The following BCORL1 variants were observed in gnomAD, a reference collection of about 807,000 sequenced individuals.
BCORL1 encodes BCL-6 corepressor-like protein 1.
BCORL1 carries 7 observed loss-of-function variants against 87.6 expected under a neutral mutation model. The observed-to-expected ratio is 0.08, with a 90% CI of 0.05 to 0.15. The LOEUF (loss-of-function observed/expected upper bound fraction) is 0.15. Ranked by LOEUF, BCORL1 falls within the 10% of genes least tolerant of loss-of-function variation. The probability of loss-of-function intolerance (pLI) is 1.00; values close to 1 mark genes in which losing one functional copy is unlikely to be tolerated. For synonymous variants in BCORL1, 591 were observed against 634.4 expected (o/e 0.93, Z 1.03); for missense variants, 1,215 against 1,499.7 (o/e 0.81, Z 3.13).
chrX:130,050,933 A>G, intron 12 of BCORL1, 139 bp downstream of exon 12: 1 of 511,521 alleles, frequency 2.0e-6, no homozygotes, highest in South Asian at 3.1e-5. Flanking sequence ...TTCCCTGCAG[A>G]CTCAGAAGTC....
intron 13 of BCORL1, among the ~76,000 whole-genome samples, chrX:130,053,153 TAATAA>T (rs1261539537): frequency 2.7e-5 from 3 of 111,296 alleles, no homozygotes; most frequent in African/African-American, 6.5e-5. Flanking sequence ...TAAAATAAAA[TAATAA>T]AATAAGTCAG....
At chrX:130,023,628 C>T (rs1051306250) in intron 6 of BCORL1, among the ~76,000 whole-genome samples, 1 of 112,019 alleles carries the variant, frequency 8.9e-6, no homozygotes, top group African/African-American at 3.2e-5. Flanking sequence ...TTCTAGTAAC[C>T]GGCACCTTAG....
chrX:130,011,817 G>C (rs1406806856), intron 2 of BCORL1, among the ~76,000 whole-genome samples: 1 of 110,438 alleles, frequency 9.1e-6, no homozygotes, highest in East Asian at 2.8e-4. Context: ...TGATGGGGGG[G>C]CAGGGAGGGG....
intron 1 of BCORL1, among the ~76,000 whole-genome samples, chrX:129,997,196 A>G (rs1397617392): frequency 9.0e-6 from 1 of 111,474 alleles, no homozygotes; most frequent in Non-Finnish European, 1.9e-5. Flanking sequence ...GACATAGGCT[A>G]TAATTTGATG....
At chrX:130,017,253 C>T (rs997054572) in intron 4 of BCORL1, among the ~76,000 whole-genome samples, 1 of 111,063 alleles carries the variant, frequency 9.0e-6, no homozygotes, top group African/African-American at 3.3e-5. Flanking sequence ...GTTAAGAACC[C>T]CTGGGATAGG....
intron 11 of BCORL1, among the ~76,000 whole-genome samples, chrX:130,045,915 G>C (rs1191702913): frequency 9.0e-6 from 1 of 111,087 alleles, no homozygotes; most frequent in African/African-American, 3.3e-5. Flanking sequence ...ATTGCACTGA[G>C]CTTCTGCGGG....
At chrX:130,032,640 C>G (rs1019993421) in intron 8 of BCORL1, among the ~76,000 whole-genome samples, 1 of 111,652 alleles carries the variant, frequency 9.0e-6, no homozygotes, top group African/African-American at 3.3e-5. Context: ...CCCAGTGATT[C>G]CTGTCCCTCC....
intron 10 of BCORL1, among the ~76,000 whole-genome samples, chrX:130,038,873 A>G (rs1210214656): frequency 9.0e-6 from 1 of 111,636 alleles, no homozygotes; most frequent in African/African-American, 3.3e-5. Context: ...TGCCATGGGA[A>G]CTGTCCCAAG....
intron 5 of BCORL1, among the ~76,000 whole-genome samples, chrX:130,022,172 G>A (rs1419961420): frequency 9.2e-6 from 1 of 108,799 alleles, no homozygotes; most frequent in East Asian, 2.9e-4. Context: ...GATTCACTGA[G>A]GTTGCCCTCC....
At chrX:130,012,693 G>C in intron 3 of BCORL1, 25 bp downstream of exon 3, 1 of 1,168,756 alleles carries the variant, frequency 8.6e-7, no homozygotes, top group Non-Finnish European at 1.2e-6. Context: ...GGAGCCACGT[G>C]CTGTCCACCA....
Position 130,015,694 on chromosome X carries a change from G to C in BCORL1, c.2922G>C (p.Leu974=). The part of the protein sequence containing the change: ...KMEGPQGACG[L]KLAGDTKPKN... ...AAGGCCCCCAGGGGGCTTGTGGCCT[G>C]AAGCTGGCAGGAGACACGAAGCCTA... The change falls in exon 4 of 14, where the codon CTG becomes CTC. Residue 974 remains leucine (L), a synonymous_variant. Transcript: ENST00000540052. 1 of 1,211,998 alleles carries C rather than the reference G, an allele frequency of 8.3e-7. No homozygotes were observed.
At chrX:130,026,133 G>T (rs1569377422) in intron 7 of BCORL1, among the ~76,000 whole-genome samples, 1 of 111,794 alleles carries the variant, frequency 8.9e-6, no homozygotes, top group South Asian at 3.8e-4. Flanking sequence ...TGAGCAAAAA[G>T]CACATCTTTG....
At chrX:129,997,474 A>C (rs900827284) in intron 1 of BCORL1, among the ~76,000 whole-genome samples, 3 of 111,158 alleles carry the variant, frequency 2.7e-5, no homozygotes, top group Admixed American at 1.9e-4. Context: ...GCTCGCCCTC[A>C]GCTTAGCTGC....
chrX:129,989,425 C>T lies in BCORL1; in HGVS notation c.-45+6663C>T, dbSNP rs375772229. Among the ~76,000 whole-genome samples the T allele has an allele frequency of 5.3e-4, 39 of 74,067 alleles. 1 individual carries two copies. In the South Asian group the frequency reaches 0.039, roughly 74 times the overall value. The allele number at this position is 74,067 out of a possible 115,157, so 64.3% of individuals were successfully genotyped here. On this transcript the variant is annotated intron_variant, in intron 1 of 13. Transcript: ENST00000540052. Reference sequence around the variant, plus strand: ...CCTCCCAAAGTGCTGGGATTACAGGCGTGAGCCACCGCACCCGTCTTTTTT... The same window carrying T: ...CCTCCCAAAGTGCTGGGATTACAGGTGTGAGCCACCGCACCCGTCTTTTTT...
intron 11 of BCORL1, among the ~76,000 whole-genome samples, chrX:130,039,960 CA>C (rs1404845496): frequency 8.9e-6 from 1 of 112,604 alleles, no homozygotes; most frequent in Admixed American, 9.4e-5. Context: ...CTGAGTTGGG[CA>C]GGGGGAGGAG....
intron 1 of BCORL1, among the ~76,000 whole-genome samples, chrX:129,984,223 T>TGCC (rs1177302718): frequency 1.9e-4 from 19 of 102,693 alleles, no homozygotes; most frequent in African/African-American, 3.5e-4. Flanking sequence ...CCGCAGCCGT[T>TGCC]GCCGCCGCCG....
rs1303715179 is a variant in BCORL1, at chrX:130,013,882, C to T, written c.1110C>T (p.Pro370=). ...CATCTTCCGGCCCACCTTCTACCCC[C>T]ACCCTCATCCCCGCCTTTGCTCCTA... ...PTPSSGPPST[P]TLIPAFAPTP... The change falls in exon 4 of 14, where the codon CCC becomes CCT. Residue 370 remains proline (P), a synonymous_variant. Transcript: ENST00000540052. The T allele has an allele frequency of 2.6e-6, 3 of 1,165,505 alleles. No individual in the cohort carries two copies. The highest frequency in any genetic ancestry group is 3.4e-6 in the Non-Finnish European group (3 of 871,473).
chrX:129,983,045 T>G (rs1407828241), intron 1 of BCORL1, among the ~76,000 whole-genome samples: 1 of 108,734 alleles, frequency 9.2e-6, no homozygotes, highest in South Asian at 4.2e-4. Context: ...GGGGGCGCCG[T>G]CCTCTTCGTG....
intron 1 of BCORL1, among the ~76,000 whole-genome samples, chrX:129,997,777 G>A (rs1454942273): frequency 9.9e-4 from 90 of 91,320 alleles, no homozygotes; most frequent in Non-Finnish European, 1.6e-3. Flanking sequence ...TGGTGACAGA[G>A]CGAGACTCCG....
Sources: allele counts gnomAD v4.1 joint callset (sites outside exome capture counted in the v4.1 genomes callset), GRCh38; gene constraint gnomAD v4.1.1; transcripts MANE v1.5; gene names NCBI Gene and HGNC (gene_info 2026-07-23, HGNC 2026-07-21).